Variants in WIPI2 observed in about 807,000 individuals in gnomAD.
WIPI2 encodes the protein WD repeat domain phosphoinositide-interacting protein 2.
Under a neutral mutation model 52.3 loss-of-function variants are expected in WIPI2, and 28 were observed. The ratio of observed to expected loss-of-function variants is 0.54; its 90% CI spans 0.40 to 0.73. WIPI2 has a LOEUF of 0.73. WIPI2 is among the 30% of genes least tolerant of loss of function. WIPI2 has a pLI of 0.00. For missense variants in WIPI2, 506 were observed against 602.9 expected (o/e 0.84, Z 1.68); for synonymous variants, 268 against 245.0 (o/e 1.09, Z -0.88).
intron 1 of WIPI2, among the ~76,000 whole-genome samples, chr7:5,191,816 G>A (rs1781496461): frequency 6.6e-6 from 1 of 152,204 alleles, no homozygotes; most frequent in African/African-American, 2.4e-5. Context: ...AACACTCAGT[G>A]GGTGGTGTAC....
At chr7:5,223,427 G>T (rs773224038) in intron 8 of WIPI2, among the ~76,000 whole-genome samples, 5 of 152,064 alleles carry the variant, frequency 3.3e-5, no homozygotes, top group Non-Finnish European at 7.4e-5. Context: ...CTTTCCTCAT[G>T]GGATCCCCAC....
rs1227259479 is a variant in WIPI2, at chr7:5,209,015, T to A, written c.212-5520T>A. On this transcript the variant is annotated intron_variant, in intron 3 of 12. Transcript: ENST00000288828. ...ATTTGTTTTGGTAATATTCTGTGATTTTTTTTTTTTTTTTTTTTTGGTATG... is the reference window on the plus strand; with the variant it reads ...ATTTGTTTTGGTAATATTCTGTGATATTTTTTTTTTTTTTTTTTTGGTATG... Among the ~76,000 whole-genome samples the A allele has an allele frequency of 1.4e-4, 3 of 21,162 alleles. No individual in the cohort carries two copies. The East Asian group carries it at 6.7e-3, about 47-fold the overall frequency. The allele number at this position is 21,162 out of a possible 152,430, so 13.9% of individuals were successfully genotyped here.
chr7:5,198,973 T>C (rs1781884532), intron 2 of WIPI2, among the ~76,000 whole-genome samples: 1 of 152,224 alleles, frequency 6.6e-6, no homozygotes, highest in African/African-American at 2.4e-5. Context: ...CAATACCTTA[T>C]TATCAACTAC....
intron 6 of WIPI2, 66 bp from the exon 7 acceptor site, chr7:5,217,856 G>C: frequency 6.5e-7 from 1 of 1,538,930 alleles, no homozygotes; most frequent in Non-Finnish European, 9.0e-7. Context: ...TGCGGACCAA[G>C]TGTCAGCCCT....
Position 5,222,895 on chromosome 7 carries a change from C to T in WIPI2, c.740+223C>T, listed in dbSNP as rs73048044. The T allele has an allele frequency of 9.2e-4, 432 of 469,018 alleles. 1 individual carries two copies. Among genetic ancestry groups the T allele is most frequent in the Non-Finnish European group, 1.4e-3 (350 of 256,242 alleles). The allele number at this position is 469,018 out of a possible 1,614,324, so 29.1% of individuals were successfully genotyped here. The stretch of plus-strand genomic sequence containing the variant: ...TTTTGTTTGCGATCCCACCAGCTAG[C>T]GTGAGAGTTGTGAAGAGCTCACGCA... On this transcript the variant is annotated intron_variant, in intron 8 of 12. Transcript: ENST00000288828.
intron 3 of WIPI2, among the ~76,000 whole-genome samples, chr7:5,209,321 C>T (rs181313512): frequency 1.2e-4 from 19 of 152,226 alleles, no homozygotes; most frequent in African/African-American, 4.1e-4. Context: ...TGTAAGACCT[C>T]GAGCACAAAG....
In WIPI2 at chr7:5,198,815, G is replaced by A. The variant is rs1045387056; in HGVS notation, c.129-761G>A. On this transcript the variant is annotated intron_variant, in intron 2 of 12. Coordinates refer to ENST00000288828, the MANE Select transcript of WIPI2 (RefSeq NM_015610.4). ...TTGTGGTGTAATTAAAATTGTATCT[G>A]TTGAAGGTATACAGTGTGATGTTTT... Among the ~76,000 whole-genome samples, 17 of 152,244 alleles carry A rather than the reference G, an allele frequency of 1.1e-4. No homozygotes were observed. The East Asian group carries it at 2.9e-3, about 26-fold the overall frequency.
intron 10 of WIPI2, 39 bp from the exon 11 acceptor site, chr7:5,228,065 A>G (rs777775576): frequency 1.1e-5 from 17 of 1,597,916 alleles, no homozygotes; most frequent in Non-Finnish European, 1.5e-5. Flanking sequence ...CGTTTCTGTG[A>G]CAGTTGTCTA....
Position 5,190,457 on chromosome 7 carries a change from G to C in WIPI2, c.38G>C (p.Gly13Ala). 6.7e-7 allele frequency: 1 copy of C among 1,500,294 alleles called. No homozygotes were observed. Among genetic ancestry groups the C allele is most frequent in the Admixed American group, 2.2e-5 (1 of 44,712 alleles). 92.9% of individuals were successfully genotyped at this position (1,500,294 alleles called of 1,614,324 possible). A position where few individuals can be genotyped will look rare whatever the true frequency, so the allele number is the denominator to read the frequency against. ...LASQSGEAGA[G>A]QLLFANFNQD... is the part of the protein sequence containing the mutation. The stretch of plus-strand genomic sequence containing the variant: ...AGCCAGAGCGGGGAGGCCGGCGCCG[G>C]CCAGCTGCTCTTCGCCAACTTCAAC... The change falls in exon 1 of 13, where the codon GGC becomes GCC. Residue 13 changes from glycine to alanine, a missense_variant. By Grantham distance (60) the Gly-to-Ala change is moderately conservative (BLOSUM62 0). This residue lies in a region of WIPI2 where 15 missense variants were observed against 31.3 expected (regional missense o/e 0.48). Transcript: ENST00000288828.
chr7:5,205,878 C>T (rs563636230), intron 3 of WIPI2, among the ~76,000 whole-genome samples: 24 of 65,334 alleles, frequency 3.7e-4, no homozygotes, highest in African/African-American at 1.2e-3. Context: ...CATGTGCTGC[C>T]ACTGTTTTTT....
intron 7 of WIPI2, among the ~76,000 whole-genome samples, chr7:5,221,032 C>T (rs376887485): frequency 4.8e-5 from 7 of 145,154 alleles, no homozygotes; most frequent in African/African-American, 1.5e-4. Context: ...GGTATGATCT[C>T]GGCTCACTGC....
At chr7:5,207,335 C>G (rs975841983) in intron 3 of WIPI2, among the ~76,000 whole-genome samples, 2 of 152,314 alleles carry the variant, frequency 1.3e-5, no homozygotes, top group Non-Finnish European at 2.9e-5. Context: ...TGCCCACATT[C>G]CCCAAGAGGC....
chr7:5,217,302 T>C (rs1439451689), intron 6 of WIPI2, 115 bp downstream of exon 6: 2 of 996,640 alleles, frequency 2.0e-6, no homozygotes, highest in African/African-American at 1.6e-5. Context: ...GCTGCACTTT[T>C]TTGTTTGTTT....
At chr7:5,217,220 A>C (rs375510583) in intron 6 of WIPI2, 33 bp downstream of exon 6, 45 of 1,610,948 alleles carry the variant, frequency 2.8e-5, no homozygotes, top group East Asian at 2.2e-4. Context: ...ATAGCTCTCT[A>C]AAGTGTGGCT....
At position 5,230,247 on chromosome 7, in the gene WIPI2, G is replaced by A. The variant is rs923444748; in HGVS notation, c.1252+509G>A. Among the ~76,000 whole-genome samples, 1 of 152,030 alleles carries A rather than the reference G, an allele frequency of 6.6e-6. No homozygotes were observed. Among genetic ancestry groups the A allele is most frequent in the Admixed American group, 6.5e-5 (1 of 15,268 alleles). On this transcript the variant is annotated intron_variant, in intron 12 of 12. Coordinates refer to ENST00000288828, the MANE Select transcript of WIPI2 (RefSeq NM_015610.4). The surrounding 1 kb of genome is among the most constrained non-coding windows in gnomAD (Gnocchi z 4.8). ...TTTCGTCCTTCAGCAAATCTGCATC[G>A]AGTACTGCCTTCATGCTGGGCCTGT...
intron 8 of WIPI2, chr7:5,222,910 G>A (rs568625403): frequency 2.4e-4 from 108 of 442,800 alleles, no homozygotes; most frequent in African/African-American, 2.0e-3. Context: ...GAGTTGTGAA[G>A]AGCTCACGCA....
chr7:5,217,124 C>T lies in WIPI2; in HGVS notation c.513C>T (p.Cys171=), dbSNP rs781779146. ...LCALSINNDN[C]YLAYPGSATI... is the part of the protein sequence containing the mutation. ...CGCTGTCAATCAACAACGACAACTGCTACTTGGCGTACCCAGGGAGCGCGA... is the reference window on the plus strand; with the variant it reads ...CGCTGTCAATCAACAACGACAACTGTTACTTGGCGTACCCAGGGAGCGCGA... The change falls in exon 6 of 13, where the codon TGC becomes TGT. Residue 171 remains cysteine (C), a synonymous_variant. Transcript: ENST00000288828. 2.5e-6 allele frequency: 4 copies of T among 1,613,876 alleles called. No individual in the cohort carries two copies. In the South Asian group the frequency reaches 3.3e-5, roughly 13 times the overall value.
At chr7:5,192,585 A>G (rs1340093652) in intron 1 of WIPI2, among the ~76,000 whole-genome samples, 1 of 152,340 alleles carries the variant, frequency 6.6e-6, no homozygotes, top group East Asian at 1.9e-4. Flanking sequence ...ACAGTTCAAG[A>G]GATTTCTGTT....
chr7:5,191,733 TACTG>T lies in WIPI2; in HGVS notation c.74+1241_74+1244del, dbSNP rs1442637863. 3.3e-5 allele frequency among the ~76,000 whole-genome samples: 5 copies of T among 152,304 alleles called. No homozygotes were observed. The East Asian group carries it at 7.7e-4, about 23-fold the overall frequency. On this transcript the variant is annotated intron_variant, in intron 1 of 12. Coordinates refer to ENST00000288828, the MANE Select transcript of WIPI2 (RefSeq NM_015610.4). Reference sequence around the variant, plus strand: ...CTTACTAAGTCATTGGTTGAGTTGTTACTGGCTGAGTGGAATTAACATAGCAGAA... The same window carrying T: ...CTTACTAAGTCATTGGTTGAGTTGTTGCTGAGTGGAATTAACATAGCAGAA...
Sources: allele counts gnomAD v4.1 joint callset (sites outside exome capture counted in the v4.1 genomes callset), GRCh38; gene constraint gnomAD v4.1.1; regional missense constraint gnomAD v4.1.1; non-coding constraint Gnocchi (gnomAD v3.1); transcripts MANE v1.5; gene names NCBI Gene and HGNC (gene_info 2026-07-23, HGNC 2026-07-21).